Variants in NME7 observed in about 807,000 individuals in gnomAD.
The protein encoded by NME7 is NME/NM23 family member 7, also known as nucleoside diphosphate kinase 7.
Under a neutral mutation model 49.1 loss-of-function variants are expected in NME7, and 41 were observed. That is an observed-to-expected ratio of 0.83 (90% CI 0.65 to 1.08). The LOEUF (loss-of-function observed/expected upper bound fraction) is 1.08. NME7 is among the 50% of genes least tolerant of loss of function. NME7 has a pLI of 0.00. For missense variants in NME7, 423 were observed against 463.4 expected (o/e 0.91, Z 0.80); for synonymous variants, 139 against 150.6 (o/e 0.92, Z 0.56).
intron 7 of NME7, among the ~76,000 whole-genome samples, chr1:169,266,293 ACAAG>A (rs1270165532): frequency 2.2e-5 from 3 of 133,976 alleles, no homozygotes; most frequent in African/African-American, 7.6e-5. Context: ...TCCTTGGGAT[ACAAG>A]GTTAGTTCAA....
rs565518963 is a variant in NME7, at chr1:169,342,928, C to T, written c.4-18428G>A. Among the ~76,000 whole-genome samples, 130 of 100,234 alleles carry T rather than the reference C, an allele frequency of 1.3e-3. 17 individuals carry two copies. The highest frequency in any genetic ancestry group is 4.2e-3 in the African/African-American group (107 of 25,288). 65.8% of individuals were successfully genotyped at this position (100,234 alleles called of 152,430 possible). ...TATATATAGTGTATATATATATATACAAGTACATATATATACTTGTATTAG... is the reference window on the plus strand; with the variant it reads ...TATATATAGTGTATATATATATATATAAGTACATATATATACTTGTATTAG... On this transcript the variant is annotated intron_variant, in intron 1 of 11. Transcript: ENST00000367811.
intron 10 of NME7, among the ~76,000 whole-genome samples, chr1:169,220,803 A>T (rs1661121134): frequency 6.6e-6 from 1 of 152,260 alleles, no homozygotes; most frequent in African/African-American, 2.4e-5. Flanking sequence ...AAATGCTTAT[A>T]AAATAAATTA....
At chr1:169,300,913 T>A (rs919019586) in intron 5 of NME7, among the ~76,000 whole-genome samples, 4 of 152,002 alleles carry the variant, frequency 2.6e-5, no homozygotes, top group Non-Finnish European at 4.4e-5. Context: ...CCCTTAACAT[T>A]AACCATATAC....
In NME7 at chr1:169,235,156, T is replaced by C; in HGVS notation, c.863A>G (p.Tyr288Cys). 1 of 1,539,316 alleles carries C rather than the reference T, an allele frequency of 6.5e-7. No homozygotes were observed. Among genetic ancestry groups the C allele is most frequent in the South Asian group, 1.2e-5 (1 of 86,442 alleles). ...RVNVEEFYEVYKGVVTEYHDM... is the reference protein window; with the variant it reads ...RVNVEEFYEVCKGVVTEYHDM... ...ATGATATTCGGTCACTACTCCTTTATAAACTTCATAGAATTCCTCAACATT... is the reference window on the plus strand; with the variant it reads ...ATGATATTCGGTCACTACTCCTTTACAAACTTCATAGAATTCCTCAACATT... Residue 288 changes from tyrosine to cysteine, a missense_variant, in exon 9 of 12, where the codon TAT becomes TGT. Physicochemically the swap from Tyr to Cys is radical, Grantham distance 194 (BLOSUM62 -2). Coordinates refer to ENST00000367811, the MANE Select transcript of NME7 (RefSeq NM_013330.5).
At chr1:169,237,571 T>A (rs1292771811) in intron 8 of NME7, 52 bp downstream of exon 8, 11 of 1,356,300 alleles carry the variant, frequency 8.1e-6, no homozygotes, top group Admixed American at 1.8e-5. Flanking sequence ...ATTTTATAAC[T>A]ATTTTTGAAA....
intron 6 of NME7, among the ~76,000 whole-genome samples, chr1:169,295,569 G>A (rs1650676788): frequency 2.0e-5 from 3 of 152,052 alleles, no homozygotes. Flanking sequence ...GACTATAATT[G>A]CTCTCTTGCA....
chr1:169,197,160 A>T (rs1660402110), intron 10 of NME7, among the ~76,000 whole-genome samples: 1 of 152,128 alleles, frequency 6.6e-6, no homozygotes, highest in African/African-American at 2.4e-5. Flanking sequence ...TAGCCTTAGG[A>T]CCAAAATGAA....
At chr1:169,213,249 C>A (rs1660882721) in intron 10 of NME7, among the ~76,000 whole-genome samples, 1 of 152,032 alleles carries the variant, frequency 6.6e-6, no homozygotes, top group South Asian at 2.1e-4. Context: ...ACCACAGGCT[C>A]ACAGGAACCT....
At chr1:169,218,537 C>T (rs1289210894) in intron 10 of NME7, among the ~76,000 whole-genome samples, 2 of 151,972 alleles carry the variant, frequency 1.3e-5, no homozygotes, top group East Asian at 1.9e-4. Context: ...CACTGCAGTC[C>T]AGCCTGGGTG....
At chr1:169,244,635 CAA>C (rs71121747) in intron 7 of NME7, among the ~76,000 whole-genome samples, 6 of 85,320 alleles carry the variant, frequency 7.0e-5, no homozygotes, top group Admixed American at 1.4e-4. Flanking sequence ...GACTCCATCT[CAA>C]AAAAAAAAAA....
intron 7 of NME7, among the ~76,000 whole-genome samples, chr1:169,238,320 T>C (rs1222384487): frequency 2.0e-5 from 3 of 151,548 alleles, no homozygotes; most frequent in African/African-American, 4.8e-5. Context: ...ATGAGGAATA[T>C]AGTCTTTATC....
At chr1:169,340,106 A>G (rs748430612) in intron 1 of NME7, among the ~76,000 whole-genome samples, 5 of 152,024 alleles carry the variant, frequency 3.3e-5, no homozygotes, top group Non-Finnish European at 7.4e-5. Flanking sequence ...CAGTTATTCC[A>G]TTTGAGTATT....
intron 10 of NME7, among the ~76,000 whole-genome samples, chr1:169,182,330 A>G (rs938721362): frequency 2.0e-5 from 3 of 152,076 alleles, no homozygotes; most frequent in African/African-American, 7.2e-5. Flanking sequence ...CAGGGCTCTT[A>G]TACTCAGCTT....
chr1:169,280,747 C>A (rs749319860), intron 7 of NME7, among the ~76,000 whole-genome samples: 1 of 147,642 alleles, frequency 6.8e-6, no homozygotes, highest in Non-Finnish European at 1.5e-5. Context: ...TCAGGTTTGT[C>A]AAAGATCAGA....
chr1:169,315,781 C>T (rs1265879482), intron 3 of NME7, among the ~76,000 whole-genome samples: 2 of 151,648 alleles, frequency 1.3e-5, no homozygotes, highest in East Asian at 1.9e-4. Flanking sequence ...GAAGACAACA[C>T]AAAGAAAGTA....
chr1:169,148,799 C>T (rs140703025), intron 11 of NME7, among the ~76,000 whole-genome samples: 166 of 152,248 alleles, frequency 1.1e-3, no homozygotes, highest in South Asian at 1.7e-3. Context: ...GAACACAATA[C>T]CAGCTGTCTT....
intron 10 of NME7, among the ~76,000 whole-genome samples, chr1:169,210,492 T>C (rs1350062504): frequency 6.6e-6 from 1 of 152,156 alleles, no homozygotes; most frequent in Non-Finnish European, 1.5e-5. Flanking sequence ...GGTTGGAACA[T>C]TGGTATTCAT....
At chr1:169,335,682 A>G (rs1250233276) in intron 1 of NME7, among the ~76,000 whole-genome samples, 1 of 147,704 alleles carries the variant, frequency 6.8e-6, no homozygotes, top group Non-Finnish European at 1.5e-5. Flanking sequence ...TAGAAGAAAT[A>G]TATATAATAT....
At chr1:169,191,488 G>T (rs1200082) in intron 10 of NME7, among the ~76,000 whole-genome samples, 133,406 of 152,244 alleles carry the variant, frequency 0.88, 58,845 homozygotes, top group East Asian at 1. Context: ...CATCTGCTCC[G>T]CAAAGCTAGG....
Sources: allele counts gnomAD v4.1 joint callset (sites outside exome capture counted in the v4.1 genomes callset), GRCh38; gene constraint gnomAD v4.1.1; transcripts MANE v1.5; gene names NCBI Gene and HGNC (gene_info 2026-07-23, HGNC 2026-07-21).